Variants in THEMIS observed in about 807,000 individuals in gnomAD.
The protein encoded by THEMIS is thymocyte selection associated, also known as protein THEMIS.
THEMIS carries 37 observed loss-of-function variants against 52.6 expected under a neutral mutation model. That is an observed-to-expected ratio of 0.70 (90% confidence interval 0.54 to 0.93). The LOEUF is 0.93. Among genes scored for constraint, THEMIS ranks in the 40% least tolerant of loss-of-function variants. The pLI is 0.00. For synonymous variants in THEMIS, 292 were observed against 272.7 expected (o/e 1.07, Z -0.70); for missense variants, 808 against 763.1 (o/e 1.06, Z -0.69).
chr6:127,854,949 T>C (rs1033715401), intron 2 of THEMIS, 81 bp downstream of exon 2: 10 of 1,249,124 alleles, frequency 8.0e-6, no homozygotes, highest in African/African-American at 4.7e-5. Context: ...AGACCATTTT[T>C]TTCTTGTTTT....
At chr6:127,796,218 T>A (rs1777326129) in intron 4 of THEMIS, among the ~76,000 whole-genome samples, 1 of 152,132 alleles carries the variant, frequency 6.6e-6, no homozygotes, top group Non-Finnish European at 1.5e-5. Context: ...TGTGGGTTGA[T>A]CCTGGGTAGA....
rs187200871 is a variant in THEMIS, at chr6:127,813,051, A to C, written c.1590T>G (p.Thr530=). 29 of 1,614,090 alleles carry C rather than the reference A, an allele frequency of 1.8e-5. No homozygotes were observed. In the East Asian group the frequency reaches 3.8e-4, roughly 21 times the overall value. Residue 530 remains threonine (T), a synonymous_variant, in exon 4 of 6, where the codon ACT becomes ACG. Coordinates refer to ENST00000368248, the MANE Select transcript of THEMIS (RefSeq NM_001010923.3). ...GCTCTTCAGTGATCTCTTCTACCAG[A>C]GTCCTGACTAGAAATGGTTCTGCAT... The part of the protein sequence containing the change: ...SRDAEPFLVR[T]LVEEITEEQY...
chr6:127,854,574 T>C (rs781291775), intron 2 of THEMIS, among the ~76,000 whole-genome samples: 8 of 151,656 alleles, frequency 5.3e-5, no homozygotes, highest in Admixed American at 2.6e-4. Flanking sequence ...GTCAATTAGA[T>C]AAAAAAGACC....
chr6:127,788,086 G>A (rs565716979), intron 4 of THEMIS, among the ~76,000 whole-genome samples: 1 of 152,292 alleles, frequency 6.6e-6, no homozygotes, highest in Admixed American at 6.5e-5. Context: ...GACACTTGGA[G>A]TTTGGCTGGC....
intron 4 of THEMIS, among the ~76,000 whole-genome samples, chr6:127,749,049 C>T (rs1325517823): frequency 6.6e-6 from 1 of 151,952 alleles, no homozygotes; most frequent in Admixed American, 6.6e-5. Context: ...TTTAACATTC[C>T]ACAATTCTTC....
At chr6:127,706,890 T>G (rs563457410), downstream of THEMIS, among the ~76,000 whole-genome samples, 1 of 152,052 alleles carries the variant, frequency 6.6e-6, no homozygotes, top group Non-Finnish European at 1.5e-5. Context: ...GGTTGATGAA[T>G]AATGGTGTAT....
chr6:127,894,760 A>T (rs1562326540), intron 1 of THEMIS, among the ~76,000 whole-genome samples: 1 of 151,654 alleles, frequency 6.6e-6, no homozygotes, highest in Non-Finnish European at 1.5e-5. Flanking sequence ...ACAAATTTTT[A>T]AGAAGATGTT....
chr6:127,729,370 A>G (rs914785050), intron 4 of THEMIS, among the ~76,000 whole-genome samples: 4 of 152,254 alleles, frequency 2.6e-5, no homozygotes, highest in East Asian at 1.9e-4. Context: ...CGAGAGGTCT[A>G]TGGAAGATAT....
At chr6:127,808,307 C>G (rs531408272) in intron 4 of THEMIS, among the ~76,000 whole-genome samples, 1 of 152,228 alleles carries the variant, frequency 6.6e-6, no homozygotes, top group Admixed American at 6.5e-5. Context: ...TATATATCCA[C>G]GACAGGCAAA....
intron 2 of THEMIS, among the ~76,000 whole-genome samples, chr6:127,848,610 C>T (rs942591441): frequency 2.6e-5 from 4 of 151,916 alleles, no homozygotes; most frequent in African/African-American, 4.8e-5. Context: ...TTTTAATGAT[C>T]GCCATTCTAA....
downstream of THEMIS, among the ~76,000 whole-genome samples, chr6:127,703,235 G>T (rs936901322): frequency 6.6e-6 from 1 of 151,402 alleles, no homozygotes; most frequent in Admixed American, 6.6e-5. Context: ...TTTTAGTAGA[G>T]ACGGGGTTTC....
At chr6:127,774,362 T>G (rs1029161203) in intron 4 of THEMIS, among the ~76,000 whole-genome samples, 1 of 152,190 alleles carries the variant, frequency 6.6e-6, no homozygotes, top group African/African-American at 2.4e-5. Flanking sequence ...CCAGCCACCA[T>G]GCCCAGCTAA....
chr6:127,734,696 C>G (rs1427006712), intron 4 of THEMIS, among the ~76,000 whole-genome samples: 1 of 151,032 alleles, frequency 6.6e-6, no homozygotes, highest in Non-Finnish European at 1.5e-5. Context: ...TGGTGAAACC[C>G]CCTCTCTACT....
At chr6:127,909,521 G>A (rs1422062402) in intron 1 of THEMIS, among the ~76,000 whole-genome samples, 1 of 152,142 alleles carries the variant, frequency 6.6e-6, no homozygotes, top group Admixed American at 6.6e-5. Context: ...ATGATTGTAA[G>A]TTTCCTGAGG....
At chr6:127,791,975 C>T (rs1275801200) in intron 4 of THEMIS, among the ~76,000 whole-genome samples, 1 of 152,140 alleles carries the variant, frequency 6.6e-6, no homozygotes, top group Non-Finnish European at 1.5e-5. Context: ...TTCCTGGGGC[C>T]CTGAGAGTGC....
intron 1 of THEMIS, among the ~76,000 whole-genome samples, chr6:127,860,432 T>C (rs1169622630): frequency 6.6e-6 from 1 of 152,066 alleles, no homozygotes; most frequent in Non-Finnish European, 1.5e-5. Flanking sequence ...GGCAAGGCAT[T>C]GGGATTACAT....
intron 1 of THEMIS, among the ~76,000 whole-genome samples, chr6:127,910,501 A>G (rs1167691601): frequency 1.3e-5 from 2 of 152,208 alleles, no homozygotes; most frequent in African/African-American, 4.8e-5. Context: ...TATTTCCAGA[A>G]TAAAGCTCTC....
At chr6:127,830,158 C>T (rs1291610185) in intron 2 of THEMIS, among the ~76,000 whole-genome samples, 1 of 152,032 alleles carries the variant, frequency 6.6e-6, no homozygotes, top group Non-Finnish European at 1.5e-5. Context: ...CAAATGGAGA[C>T]AAGGGGAAAA....
chr6:127,880,640 A>G (rs1780456149), intron 1 of THEMIS, among the ~76,000 whole-genome samples: 1 of 150,552 alleles, frequency 6.6e-6, no homozygotes, highest in Non-Finnish European at 1.5e-5. Context: ...TTTATGGGGC[A>G]GGTGTTCTTT....
Sources: gnomAD v4.1 joint callset for allele counts (sites outside exome capture counted in the v4.1 genomes callset) on GRCh38, gnomAD v4.1.1 for gene constraint, MANE v1.5 for transcripts, NCBI Gene and HGNC (gene_info 2026-07-23, HGNC 2026-07-21) for gene names.